Variants in KCNJ6 observed in about 807,000 individuals in gnomAD.
KCNJ6 encodes potassium inwardly rectifying channel subfamily J member 6.
Under a neutral mutation model 34.2 loss-of-function variants are expected in KCNJ6, and 9 were observed. The observed-to-expected ratio is 0.26, with a 90% CI of 0.16 to 0.46. The LOEUF (loss-of-function observed/expected upper bound fraction) is 0.46. Among genes scored for constraint, KCNJ6 ranks in the 20% least tolerant of loss-of-function variants. The pLI, the probability that KCNJ6 is intolerant of heterozygous loss-of-function variation, is 1.00. For synonymous variants in KCNJ6, 196 were observed against 207.1 expected (o/e 0.95, Z 0.46); for missense variants, 236 against 531.3 (o/e 0.44, Z 5.46).
intron 2 of KCNJ6, among the ~76,000 whole-genome samples, chr21:37,757,811 C>T (rs2850125): frequency 0.43 from 65,561 of 152,266 alleles, 14,319 homozygotes; most frequent in East Asian, 0.58. Flanking sequence ...TGAGGCCACA[C>T]GCCTAGTCAC....
intron 2 of KCNJ6, among the ~76,000 whole-genome samples, chr21:37,735,824 G>C (rs553176962): frequency 6.6e-6 from 1 of 152,310 alleles, no homozygotes; most frequent in South Asian, 2.1e-4. Flanking sequence ...GGCAGCTGGG[G>C]CAGAGCTGGG....
intron 2 of KCNJ6, among the ~76,000 whole-genome samples, chr21:37,809,637 A>C (rs2055312581): frequency 6.6e-6 from 1 of 152,214 alleles, no homozygotes; most frequent in Admixed American, 6.5e-5. Context: ...ATATAGAAAA[A>C]ATATAAAAAG....
At chr21:37,658,941 T>A (rs2054476114) in intron 3 of KCNJ6, among the ~76,000 whole-genome samples, 1 of 152,256 alleles carries the variant, frequency 6.6e-6, no homozygotes, top group African/African-American at 2.4e-5. Flanking sequence ...AAACTCCTTG[T>A]TCTCTTTCTC....
At chr21:37,640,901 C>G (rs1187670861) in intron 3 of KCNJ6, among the ~76,000 whole-genome samples, 1 of 152,146 alleles carries the variant, frequency 6.6e-6, no homozygotes, top group Non-Finnish European at 1.5e-5. Context: ...CATGAACTCA[C>G]TAAAGCCCAT....
At chr21:37,757,992 C>T (rs2055039784) in intron 2 of KCNJ6, among the ~76,000 whole-genome samples, 1 of 152,236 alleles carries the variant, frequency 6.6e-6, no homozygotes, top group Non-Finnish European at 1.5e-5. Flanking sequence ...CTGCGAATGG[C>T]TTCCTGGCAT....
At chr21:37,635,807 A>G (rs721014) in intron 3 of KCNJ6, among the ~76,000 whole-genome samples, 111,580 of 152,198 alleles carry the variant, frequency 0.73, 41,295 homozygotes, top group East Asian at 0.9. Context: ...ATGCGCCACC[A>G]CACCCAGCTA....
At chr21:37,853,478 C>A (rs908489286) in intron 1 of KCNJ6, among the ~76,000 whole-genome samples, 3 of 152,056 alleles carry the variant, frequency 2.0e-5, no homozygotes, top group Non-Finnish European at 4.4e-5. Flanking sequence ...CAGGCATTTT[C>A]AGATGAAAGA....
At chr21:37,650,004 T>C (rs1454699589) in intron 3 of KCNJ6, among the ~76,000 whole-genome samples, 3 of 151,772 alleles carry the variant, frequency 2.0e-5, no homozygotes, top group Non-Finnish European at 4.4e-5. Context: ...ACCTTGTGAT[T>C]CACCCACCTC....
At chr21:37,693,411 G>A (rs907127856) in intron 3 of KCNJ6, among the ~76,000 whole-genome samples, 5 of 152,156 alleles carry the variant, frequency 3.3e-5, no homozygotes, top group African/African-American at 1.2e-4. Context: ...GAACCACGGC[G>A]GATGAGTCCA....
At chr21:37,732,463 C>T (rs935575581) in intron 2 of KCNJ6, among the ~76,000 whole-genome samples, 3 of 152,164 alleles carry the variant, frequency 2.0e-5, no homozygotes, top group Admixed American at 2.0e-4. Context: ...TCTTAGATTC[C>T]AGAATTGTGG....
chr21:37,625,069 C>T lies in KCNJ6; in HGVS notation c.*90G>A. The T allele has an allele frequency of 4.0e-6, 4 of 997,102 alleles. No homozygotes were observed. Among genetic ancestry groups the T allele is most frequent in the Non-Finnish European group, 6.0e-6 (4 of 666,716 alleles). 61.8% of individuals were successfully genotyped at this position (997,102 alleles called of 1,614,324 possible). On this transcript the variant is annotated 3_prime_UTR_variant, in exon 4 of 4. Transcript: ENST00000609713. ...AAATTAAATATAAACAAATAAAGAA[C>T]AAAGCAAGAGAGACAGAAAAAGAAA...
chr21:37,898,303 T>C (rs8134671), intron 1 of KCNJ6, among the ~76,000 whole-genome samples: 2,074 of 152,318 alleles, frequency 0.014, 52 homozygotes, highest in African/African-American at 0.047. Flanking sequence ...ATTGTTCCCA[T>C]TGGATTTCAT....
chr21:37,849,042 C>G (rs761847662), intron 1 of KCNJ6, among the ~76,000 whole-genome samples: 2 of 152,166 alleles, frequency 1.3e-5, no homozygotes, highest in Non-Finnish European at 2.9e-5. Context: ...CACCACAGAC[C>G]TATCAGGAAA....
In KCNJ6 at chr21:37,880,503, C is replaced by G. The variant is rs530226876; in HGVS notation, c.-28+35381G>C. Among the ~76,000 whole-genome samples the G allele has an allele frequency of 3.9e-5, 6 of 152,282 alleles. No individual in the cohort carries two copies. The South Asian group carries it at 8.3e-4, about 21-fold the overall frequency. ...TGGGGAATGCTCCTCTGTAAGATCCCCAAACAAAGAAGTCCTGATTGATAA... is the reference window on the plus strand; with the variant it reads ...TGGGGAATGCTCCTCTGTAAGATCCGCAAACAAAGAAGTCCTGATTGATAA... On this transcript the variant is annotated intron_variant, in intron 1 of 3. Coordinates refer to ENST00000609713, the MANE Select transcript of KCNJ6 (RefSeq NM_002240.5).
At chr21:37,680,464 C>T (rs374468084) in intron 3 of KCNJ6, among the ~76,000 whole-genome samples, 72 of 152,284 alleles carry the variant, frequency 4.7e-4, no homozygotes, top group South Asian at 1.7e-3. Context: ...TATATCAACT[C>T]GACTGGGCAT....
At chr21:37,718,742 C>T (rs1374135173) in intron 2 of KCNJ6, among the ~76,000 whole-genome samples, 1 of 152,010 alleles carries the variant, frequency 6.6e-6, no homozygotes, top group Non-Finnish European at 1.5e-5. Flanking sequence ...GTGCAGCACA[C>T]CAACATGGCA....
intron 1 of KCNJ6, among the ~76,000 whole-genome samples, chr21:37,863,333 G>A (rs138783158): frequency 0.01 from 1,593 of 152,240 alleles, 20 homozygotes; most frequent in African/African-American, 0.036. Context: ...GGCTGGAAGC[G>A]AATTTGACTC....
rs2123358213 is a variant in KCNJ6 at position 37,621,622 on chromosome 21, A to C, written c.*3537T>G. 6.6e-6 allele frequency: 1 copy of C among 152,350 alleles called. No individual in the cohort carries two copies. 9.4% of individuals were successfully genotyped at this position (152,350 alleles called of 1,614,324 possible). ...CCTAGCTTGGTTAGACCTGCAAGAG[A>C]AAATTGTGCTTAAGAAATAGGTTGA... On this transcript the variant is annotated 3_prime_UTR_variant, in exon 4 of 4. Coordinates refer to ENST00000609713, the MANE Select transcript of KCNJ6 (RefSeq NM_002240.5).
At chr21:37,659,802 GCTT>G (rs1461650938) in intron 3 of KCNJ6, among the ~76,000 whole-genome samples, 1 of 152,144 alleles carries the variant, frequency 6.6e-6, no homozygotes, top group African/African-American at 2.4e-5. Flanking sequence ...TCCACTTTTG[GCTT>G]CTTCATGCCC....
Sources: allele counts gnomAD v4.1 joint callset (sites outside exome capture counted in the v4.1 genomes callset), GRCh38; gene constraint gnomAD v4.1.1; transcripts MANE v1.5; gene names NCBI Gene and HGNC (gene_info 2026-07-23, HGNC 2026-07-21).